Variants in PATJ observed in about 807,000 individuals in gnomAD.
PATJ encodes the protein PATJ crumbs cell polarity complex component.
In PATJ, 190 loss-of-function variants were observed where a neutral mutation model predicts 224.9. The ratio of observed to expected loss-of-function variants is 0.84; its 90% CI spans 0.75 to 0.95. The LOEUF is 0.95. Ranked by LOEUF, PATJ falls within the 40% of genes least tolerant of loss-of-function variation. The probability of loss-of-function intolerance (pLI) is 0.00; values close to 1 mark genes in which losing one functional copy is unlikely to be tolerated. For synonymous variants in PATJ, 769 were observed against 820.3 expected, an observed-to-expected ratio of 0.94 and a Z score of 1.07; for missense variants, 2,121 against 2,270.3, an observed-to-expected ratio of 0.93 and a Z score of 1.34.
At chr1:62,124,768 C>T (rs1439997026) in intron 39 of PATJ, among the ~76,000 whole-genome samples, 1 of 152,154 alleles carries the variant, frequency 6.6e-6, no homozygotes, top group Non-Finnish European at 1.5e-5. Context: ...TCCCTGGTGT[C>T]TCTCCTATGT....
intron 32 of PATJ, among the ~76,000 whole-genome samples, chr1:62,080,284 G>A (rs1168521027): frequency 1.3e-5 from 2 of 152,036 alleles, no homozygotes; most frequent in Admixed American, 6.6e-5. Context: ...ATGCTGACTG[G>A]GGGTTGAAAA....
At chr1:61,866,398 A>AT (rs1325624032) in intron 20 of PATJ, among the ~76,000 whole-genome samples, 1 of 151,960 alleles carries the variant, frequency 6.6e-6, no homozygotes, top group Admixed American at 6.6e-5. Flanking sequence ...GAGATGTTAA[A>AT]TTTTTTTTGC....
At chr1:62,087,836 A>C (rs1425994365) in intron 33 of PATJ, among the ~76,000 whole-genome samples, 1 of 151,692 alleles carries the variant, frequency 6.6e-6, no homozygotes, top group Admixed American at 6.6e-5. Context: ...GGCTTCATAC[A>C]TACAGGAATT....
At chr1:62,102,238 T>G (rs117929177) in intron 33 of PATJ, among the ~76,000 whole-genome samples, 1 of 152,192 alleles carries the variant, frequency 6.6e-6, no homozygotes, top group South Asian at 2.1e-4. Flanking sequence ...ATCACTGGTC[T>G]TGTCTGAAGC....
intron 1 of PATJ, among the ~76,000 whole-genome samples, chr1:61,752,441 G>T (rs1360821165): frequency 6.6e-6 from 1 of 150,936 alleles, no homozygotes; most frequent in African/African-American, 2.4e-5. Context: ...AGACTCCTGA[G>T]TAGCTGGGAT....
chr1:61,867,221 C>T (rs2148969880), intron 20 of PATJ, among the ~76,000 whole-genome samples: 1 of 152,328 alleles, frequency 6.6e-6, no homozygotes, highest in East Asian at 1.9e-4. Flanking sequence ...CTGGTTCCAG[C>T]ACCTCTGACA....
chr1:62,027,939 G>C (rs1454474497), intron 29 of PATJ, among the ~76,000 whole-genome samples: 1 of 152,018 alleles, frequency 6.6e-6, no homozygotes, highest in East Asian at 1.9e-4. Context: ...TAAGTTGCCT[G>C]TTCACTCTGT....
chr1:61,876,803 GA>G (rs1434961939), intron 21 of PATJ, among the ~76,000 whole-genome samples: 3 of 152,128 alleles, frequency 2.0e-5, no homozygotes, highest in Non-Finnish European at 4.4e-5. Flanking sequence ...AATGAATTTA[GA>G]AATCATTGTT....
intron 17 of PATJ, among the ~76,000 whole-genome samples, chr1:61,834,641 A>G (rs1659880973): frequency 6.6e-6 from 1 of 152,254 alleles, no homozygotes; most frequent in Non-Finnish European, 1.5e-5. Flanking sequence ...TAAAGCCCAT[A>G]AAATGCCAAG....
At chr1:61,857,843 C>T (rs910637628) in intron 18 of PATJ, among the ~76,000 whole-genome samples, 1 of 152,180 alleles carries the variant, frequency 6.6e-6, no homozygotes, top group Non-Finnish European at 1.5e-5. Context: ...AGGTATACCA[C>T]TTCTCTAAGC....
chr1:61,756,429 C>T (rs1645641595), intron 1 of PATJ, among the ~76,000 whole-genome samples: 1 of 152,094 alleles, frequency 6.6e-6, no homozygotes, highest in Non-Finnish European at 1.5e-5. Flanking sequence ...CACCTCAGAC[C>T]TACTGAATCA....
chr1:62,106,045 TAAAAAAAAA>T (rs1218285369), intron 33 of PATJ, among the ~76,000 whole-genome samples: 3 of 30,206 alleles, frequency 9.9e-5, no homozygotes, highest in African/African-American at 1.9e-4. Context: ...AGACTCCTCT[TAAAAAAAAA>T]AAAAAAAAAA....
intron 20 of PATJ, among the ~76,000 whole-genome samples, chr1:61,864,887 T>C (rs1281122730): frequency 6.6e-6 from 1 of 152,206 alleles, no homozygotes; most frequent in Non-Finnish European, 1.5e-5. Context: ...TTTGCTTTTT[T>C]AGTGATGTTT....
At chr1:61,916,968 C>G (rs559865030) in intron 26 of PATJ, among the ~76,000 whole-genome samples, 8 of 152,264 alleles carry the variant, frequency 5.3e-5, no homozygotes, top group East Asian at 1.9e-4. Flanking sequence ...CATCAGAATA[C>G]AGAGTCTGGA....
chr1:61,803,811 G>A (rs1011526074), intron 12 of PATJ, among the ~76,000 whole-genome samples: 6 of 152,076 alleles, frequency 3.9e-5, no homozygotes, highest in African/African-American at 1.4e-4. Flanking sequence ...TAACTGCTAT[G>A]AGGTTAGCTC....
At chr1:62,059,451 G>A (rs754586119) in intron 31 of PATJ, among the ~76,000 whole-genome samples, 4 of 151,764 alleles carry the variant, frequency 2.6e-5, no homozygotes, top group East Asian at 1.9e-4. Context: ...GTGAAACCCC[G>A]TCTCTACTAA....
At chr1:61,775,397 G>A in intron 7 of PATJ, 63 bp downstream of exon 7, 1 of 1,440,056 alleles carries the variant, frequency 6.9e-7, no homozygotes, top group East Asian at 2.3e-5. Context: ...GAATTGAAAT[G>A]TAATTTTATA....
chr1:61,929,961 A>AGCTCATATGCACAG (rs1675775062), intron 27 of PATJ, among the ~76,000 whole-genome samples: 1 of 152,206 alleles, frequency 6.6e-6, no homozygotes, highest in African/African-American at 2.4e-5. Context: ...CAAAGTTACA[A>AGCTCATATGCACAG]GCTCATATGC....
At chr1:62,097,457 C>G (rs2148819066) in intron 33 of PATJ, among the ~76,000 whole-genome samples, 1 of 152,156 alleles carries the variant, frequency 6.6e-6, no homozygotes, top group East Asian at 1.9e-4. Context: ...AGCTCTTGCT[C>G]TCCTGAAACA....
Sources: allele counts gnomAD v4.1 joint callset (sites outside exome capture counted in the v4.1 genomes callset), GRCh38; gene constraint gnomAD v4.1.1; transcripts MANE v1.5; gene names NCBI Gene and HGNC (gene_info 2026-07-23, HGNC 2026-07-21).